The following MID1 variants were observed in gnomAD, a reference collection of about 807,000 sequenced individuals.
MID1 encodes the protein E3 ubiquitin-protein ligase Midline-1.
In MID1, 7 loss-of-function variants were observed where a neutral mutation model predicts 40.4. That is an observed-to-expected ratio of 0.17 (90% CI 0.10 to 0.33). The LOEUF (loss-of-function observed/expected upper bound fraction) is 0.33. Among genes scored for constraint, MID1 ranks in the 10% least tolerant of loss-of-function variants. The pLI, the probability that MID1 is intolerant of heterozygous loss-of-function variation, is 1.00. For synonymous variants in MID1, 229 were observed against 221.2 expected (o/e 1.04, Z -0.31); for missense variants, 367 against 558.5 (o/e 0.66, Z 3.46).
At chrX:10,742,424 C>G (rs1025358141) in intron 1 of MID1, among the ~76,000 whole-genome samples, 1 of 111,893 alleles carries the variant, frequency 8.9e-6, no homozygotes, top group African/African-American at 3.2e-5. Context: ...GTACTATGTG[C>G]TTACTTCAGA....
At chrX:10,547,896 G>A (rs1020013609) in intron 2 of MID1, among the ~76,000 whole-genome samples, 8 of 110,813 alleles carry the variant, frequency 7.2e-5, no homozygotes, top group African/African-American at 2.3e-4. Flanking sequence ...TGGTAGGACC[G>A]CAAATCACCT....
chrX:10,771,183 C>A, intron 1 of MID1, among the ~76,000 whole-genome samples: 1 of 110,471 alleles, frequency 9.1e-6, no homozygotes, highest in African/African-American at 3.3e-5. Context: ...GGCAAGGAAG[C>A]CAATTGGACA....
At position 10,457,115 on chromosome X, in the gene MID1, T is replaced by TGATA. The variant is rs1240427609; in HGVS notation, c.1448-2042_1448-2039dup. 5.4e-5 allele frequency among the ~76,000 whole-genome samples: 6 copies of TGATA among 112,077 alleles called. No homozygotes were observed. The South Asian group carries it at 2.3e-3, about 42-fold the overall frequency. On this transcript the variant is annotated intron_variant, in intron 8 of 9. Transcript: ENST00000317552. ...AGGTAGAATATGGATTAAAAATGAT[T>TGATA]GATAGGATACTAATGGGCAGAGCAG...
At chrX:10,588,585 C>CTCTCTT (rs1569117894) in intron 1 of MID1, among the ~76,000 whole-genome samples, 1 of 106,511 alleles carries the variant, frequency 9.4e-6, no homozygotes, top group Non-Finnish European at 1.9e-5. Context: ...TTGTATATTT[C>CTCTCTT]TCTCTTTCTC....
intron 1 of MID1, among the ~76,000 whole-genome samples, chrX:10,804,574 G>A (rs1298814508): frequency 9.0e-6 from 1 of 111,175 alleles, no homozygotes; most frequent in East Asian, 2.8e-4. Flanking sequence ...GAGTATTTCC[G>A]TTATTTTGCT....
intron 1 of MID1, among the ~76,000 whole-genome samples, chrX:10,718,407 T>C (rs1290561791): frequency 8.0e-5 from 9 of 112,023 alleles, no homozygotes; most frequent in Non-Finnish European, 1.5e-4. Context: ...CATCAGAGAA[T>C]ACTACAAACA....
intron 3 of MID1, among the ~76,000 whole-genome samples, chrX:10,521,166 C>T (rs1313973523): frequency 9.2e-6 from 1 of 109,267 alleles, no homozygotes; most frequent in East Asian, 2.9e-4. Flanking sequence ...TTTTAAACAA[C>T]CAGATCTTGT....
intron 3 of MID1, among the ~76,000 whole-genome samples, chrX:10,496,101 A>T (rs1931237652): frequency 8.9e-6 from 1 of 112,483 alleles, no homozygotes; most frequent in Non-Finnish European, 1.9e-5. Context: ...TCTTTTATGG[A>T]GGACAGATTA....
At chrX:10,724,899 T>G (rs548977470) in intron 1 of MID1, among the ~76,000 whole-genome samples, 56 of 111,964 alleles carry the variant, frequency 5.0e-4, no homozygotes, top group African/African-American at 1.6e-3. Context: ...TGAGGGCGAA[T>G]TTTTAAAAAT....
At chrX:10,611,849 T>C (rs1435716124) in intron 1 of MID1, among the ~76,000 whole-genome samples, 1 of 111,187 alleles carries the variant, frequency 9.0e-6, no homozygotes, top group African/African-American at 3.3e-5. Flanking sequence ...GAATTGCTCA[T>C]CCGAAGGGAT....
chrX:10,466,485 C>G (rs936488833), intron 7 of MID1, among the ~76,000 whole-genome samples: 5 of 111,225 alleles, frequency 4.5e-5, no homozygotes, highest in African/African-American at 1.3e-4. Context: ...TTCTCAACTT[C>G]GACATTACTG....
At chrX:10,572,658 C>A (rs1934770209) in intron 1 of MID1, among the ~76,000 whole-genome samples, 1 of 108,730 alleles carries the variant, frequency 9.2e-6, no homozygotes, top group Non-Finnish European at 1.9e-5. Flanking sequence ...AAAAAAAAAA[C>A]TTCTTCATTT....
At chrX:10,507,354 C>T (rs1931894573) in intron 3 of MID1, among the ~76,000 whole-genome samples, 1 of 111,887 alleles carries the variant, frequency 8.9e-6, no homozygotes, top group South Asian at 3.7e-4. Flanking sequence ...GGAAACACTG[C>T]TTGCTTTAAT....
chrX:10,774,414 A>C (rs2043789294), intron 1 of MID1, among the ~76,000 whole-genome samples: 1 of 109,809 alleles, frequency 9.1e-6, no homozygotes, highest in Admixed American at 9.8e-5. Flanking sequence ...CCAGACCTCT[A>C]ACCCAGCTTC....
chrX:10,645,615 T>G (rs762307830), intron 1 of MID1, among the ~76,000 whole-genome samples: 132 of 112,378 alleles, frequency 1.2e-3, no homozygotes, highest in African/African-American at 4.0e-3. Flanking sequence ...TTTGTGCAGA[T>G]AAACCACTAG....
At chrX:10,538,845 T>C (rs1397072075) in intron 2 of MID1, among the ~76,000 whole-genome samples, 2 of 112,348 alleles carry the variant, frequency 1.8e-5, no homozygotes, top group African/African-American at 6.5e-5. Context: ...ATAAATAATA[T>C]TAATGCAACC....
intron 2 of MID1, among the ~76,000 whole-genome samples, chrX:10,547,670 AAAG>A (rs1398023043): frequency 4.5e-5 from 5 of 110,422 alleles, no homozygotes; most frequent in Non-Finnish European, 9.5e-5. Context: ...GAAAAAAAGA[AAAG>A]AAAAAAGAAA....
intron 1 of MID1, among the ~76,000 whole-genome samples, chrX:10,762,920 G>A (rs998473606): frequency 8.9e-6 from 1 of 111,894 alleles, no homozygotes; most frequent in Non-Finnish European, 1.9e-5. Context: ...ACAGCAAGAC[G>A]TTTACTTTCC....
At chrX:10,575,712 G>A (rs143439596) in intron 1 of MID1, among the ~76,000 whole-genome samples, 151 of 110,948 alleles carry the variant, frequency 1.4e-3, no homozygotes, top group African/African-American at 4.8e-3. Flanking sequence ...AGGGGAGAAG[G>A]GGATCCAGTT....
Sources: gnomAD v4.1 joint callset for allele counts (sites outside exome capture counted in the v4.1 genomes callset) on GRCh38, gnomAD v4.1.1 for gene constraint, MANE v1.5 for transcripts, NCBI Gene and HGNC (gene_info 2026-07-23, HGNC 2026-07-21) for gene names.